The following ABCA1 variants were observed in gnomAD, a reference collection of about 807,000 sequenced individuals.
ABCA1 encodes the protein phospholipid-transporting ATPase ABCA1.
ABCA1 carries 133 observed loss-of-function variants against 262.5 expected under a neutral mutation model. The ratio of observed to expected loss-of-function variants is 0.51; its 90% CI spans 0.44 to 0.59. ABCA1 has a LOEUF of 0.59. ABCA1 is among the 20% of genes least tolerant of loss of function. The pLI is 0.00. For synonymous variants in ABCA1, 1,022 were observed against 1,043.5 expected, an observed-to-expected ratio of 0.98 and a Z score of 0.40; for missense variants, 2,452 against 2,777.5, an observed-to-expected ratio of 0.88 and a Z score of 2.63.
At chr9:104,857,258 G>A (rs140166525) in intron 7 of ABCA1, among the ~76,000 whole-genome samples, 10,058 of 152,052 alleles carry the variant, frequency 0.066, 1,202 homozygotes, top group African/African-American at 0.23. Context: ...AGTCGAGATC[G>A]CGCCACTGCA....
chr9:104,902,045 C>T (rs989531686), intron 2 of ABCA1, among the ~76,000 whole-genome samples: 1 of 152,064 alleles, frequency 6.6e-6, no homozygotes, highest in Non-Finnish European at 1.5e-5. Flanking sequence ...CACTAGAGAC[C>T]TCAGAATTCA....
At chr9:104,833,213 G>A (rs899469476) in intron 11 of ABCA1, among the ~76,000 whole-genome samples, 3 of 151,988 alleles carry the variant, frequency 2.0e-5, no homozygotes, top group African/African-American at 7.3e-5. Context: ...TCAGTGTCTC[G>A]CTCTGCCGCC....
intron 6 of ABCA1, among the ~76,000 whole-genome samples, chr9:104,860,805 G>A (rs1300812956): frequency 7.3e-6 from 1 of 136,658 alleles, no homozygotes; most frequent in Non-Finnish European, 1.5e-5. Flanking sequence ...CAGCCAGGCT[G>A]GAGTGCAATG....
At position 104,917,752 on chromosome 9, in the gene ABCA1, CA is replaced by C. The variant is rs111680466; in HGVS notation, c.-93+10182del. 1.5e-3 allele frequency among the ~76,000 whole-genome samples: 212 copies of C among 142,210 alleles called. 1 individual carries two copies. The highest frequency in any genetic ancestry group is 3.7e-3 in the African/African-American group (143 of 39,014). The allele number at this position is 142,210 out of a possible 152,430, so 93.3% of individuals were successfully genotyped here. On this transcript the variant is annotated intron_variant, in intron 1 of 49. Transcript: ENST00000374736. ...CTGGGCAACAGAGCAAGACTCGTCT[CA>C]AAAAAAAAAAGGAGTAAGCTTTTGT... is the stretch of plus-strand genomic sequence containing the variant.
At position 104,786,862 on chromosome 9, in the gene ABCA1, T is replaced by C. The variant is rs371940181; in HGVS notation, c.6308+11A>G. 46 of 1,609,114 alleles carry C rather than the reference T, an allele frequency of 2.9e-5. No homozygotes were observed. The highest frequency in any genetic ancestry group is 3.8e-5 in the Non-Finnish European group (45 of 1,175,574). On this transcript the variant is annotated intron_variant, in intron 47 of 49. Coordinates refer to ENST00000374736, the MANE Select transcript of ABCA1 (RefSeq NM_005502.4). The stretch of plus-strand genomic sequence containing the variant: ...ATCCCACAGTGAGGAACCCAAGACT[T>C]TACTACGGACCTATGAGATGTAAGC...
At chr9:104,788,879 A>G (rs1564078171) in intron 44 of ABCA1, among the ~76,000 whole-genome samples, 1 of 152,150 alleles carries the variant, frequency 6.6e-6, no homozygotes, top group Non-Finnish European at 1.5e-5. Flanking sequence ...AATCTCAGTC[A>G]CACTACCCCA....
chr9:104,786,483 G>C, intron 47 of ABCA1, 93 bp from the exon 48 acceptor site: 2 of 1,122,170 alleles, frequency 1.8e-6, no homozygotes, highest in South Asian at 1.2e-5. Flanking sequence ...GCTTCCTAGG[G>C]AATTGTATTC....
At chr9:104,852,830 G>A (rs571394149) in intron 7 of ABCA1, among the ~76,000 whole-genome samples, 1 of 152,234 alleles carries the variant, frequency 6.6e-6, no homozygotes, top group African/African-American at 2.4e-5. Context: ...TTCCAGACAG[G>A]AGAACACGAG....
At chr9:104,820,151 A>G in intron 20 of ABCA1, 82 bp from the exon 21 acceptor site, 2 of 1,545,944 alleles carry the variant, frequency 1.3e-6, no homozygotes, top group South Asian at 1.1e-5. Context: ...ACAGATGAGA[A>G]TGGGCATATT....
In ABCA1 at chr9:104,797,967, T is replaced by C. The variant is rs911512511; in HGVS notation, c.5121+454A>G. Reference sequence around the variant, plus strand: ...TATTGGTCCAAATAGAAGCAATATATTGTGGCTGGCACAAAAACATATTTG... The same window carrying C: ...TATTGGTCCAAATAGAAGCAATATACTGTGGCTGGCACAAAAACATATTTG... On this transcript the variant is annotated intron_variant, in intron 37 of 49. Coordinates refer to ENST00000374736, the MANE Select transcript of ABCA1 (RefSeq NM_005502.4). 3.8e-4 allele frequency among the ~76,000 whole-genome samples: 58 copies of C among 152,248 alleles called. 2 individuals are homozygous for C. The highest frequency in any genetic ancestry group is 8.1e-4 in the Non-Finnish European group (55 of 68,038).
chr9:104,858,444 G>T, intron 7 of ABCA1, 78 bp downstream of exon 7: 1 of 1,458,736 alleles, frequency 6.9e-7, no homozygotes, highest in Non-Finnish European at 9.6e-7. Flanking sequence ...ACAAAACAAA[G>T]TCATGCTGTC....
At chr9:104,843,905 A>G (rs187643499) in intron 8 of ABCA1, among the ~76,000 whole-genome samples, 16 of 152,202 alleles carry the variant, frequency 1.1e-4, no homozygotes, top group Non-Finnish European at 2.1e-4. Context: ...CTTGTCCTGG[A>G]CCAGGAGCAA....
rs374389503 is a variant in ABCA1, at chr9:104,802,135, G to A, written c.4617C>T (p.Val1539=). 27 of 1,614,016 alleles carry A rather than the reference G, an allele frequency of 1.7e-5. No homozygotes were observed. The highest frequency in any genetic ancestry group is 2.7e-5 in the African/African-American group (2 of 74,906). Residue 1539 remains valine, a synonymous_variant, in exon 34 of 50, where the codon GTC becomes GTT. Coordinates refer to ENST00000374736, the MANE Select transcript of ABCA1 (RefSeq NM_005502.4). ...EFRYGGFSLG[V]SNTQALPPSQ... ...TCGGAGGAAGTGCTTGAGTATTACT[G>A]ACACCCAGGGAAAAGCCGCCATACC...
At chr9:104,824,403 C>G in intron 18 of ABCA1, 62 bp downstream of exon 18, 1 of 1,610,094 alleles carries the variant, frequency 6.2e-7, no homozygotes, top group Non-Finnish European at 8.5e-7. Flanking sequence ...CGCTTGCCCC[C>G]AACAGTTAGC....
At position 104,903,652 on chromosome 9, in the gene ABCA1, G is replaced by A. The variant is rs1370016364; in HGVS notation, c.28C>T (p.Leu10=). 7 of 1,588,596 alleles carry A rather than the reference G, an allele frequency of 4.4e-6. No homozygotes were observed. In the African/African-American group the frequency reaches 9.4e-5, roughly 21 times the overall value. The part of the protein sequence containing the change: MACWPQLRL[L]LWKNLTFRRR... Reference sequence around the variant, plus strand: ...CTGAAAGTGAGGTTCTTCCACAGCAGCAACCTCAGCTGAGGCCAACAAGCC... The same window carrying A: ...CTGAAAGTGAGGTTCTTCCACAGCAACAACCTCAGCTGAGGCCAACAAGCC... The change falls in exon 2 of 50, where the codon CTG becomes TTG. Residue 10 remains leucine (L), a synonymous_variant. Coordinates refer to ENST00000374736, the MANE Select transcript of ABCA1 (RefSeq NM_005502.4).
rs1831876900 is a variant in ABCA1, at chr9:104,817,481, C to T, written c.3463-77G>A. 2.0e-6 allele frequency: 3 copies of T among 1,482,884 alleles called. No individual in the cohort carries two copies. The East Asian group carries it at 6.8e-5, about 34-fold the overall frequency. The allele number at this position is 1,482,884 out of a possible 1,614,324, so 91.9% of individuals were successfully genotyped here. On this transcript the variant is annotated intron_variant, in intron 23 of 49. Transcript: ENST00000374736. This position sits in a 1 kb window ranked among gnomAD's most constrained non-coding sequence, Gnocchi z 4.7. Reference sequence around the variant, plus strand: ...CCACCAGCACCTTCGCCGGGGAGGGCTTCCAAGAAGCTCTGTTGTGTGAGA... The same window carrying T: ...CCACCAGCACCTTCGCCGGGGAGGGTTTCCAAGAAGCTCTGTTGTGTGAGA...
chr9:104,837,668 C>A (rs1487785310), intron 9 of ABCA1, 101 bp from the exon 10 acceptor site: 84 of 1,383,694 alleles, frequency 6.1e-5, no homozygotes, highest in Non-Finnish European at 8.1e-5. Flanking sequence ...GAAACCCCAG[C>A]TCTACCACTA....
chr9:104,827,190 C>T, intron 15 of ABCA1, 21 bp from the exon 16 acceptor site: 2 of 1,595,230 alleles, frequency 1.3e-6, no homozygotes, highest in African/African-American at 2.7e-5. Flanking sequence ...AGAGACACAT[C>T]AAATGTGCTG....
rs1353120003 is a variant in ABCA1, at chr9:104,798,521, A to G, written c.5021T>C (p.Val1674Ala). ...GCTGACCCGCTCCTGGATCAGGAAT[A>G]CGACAAAGCTGGCTGGGACGAAGGA... ...AMSFVPASFV[V>A]FLIQERVSKA... Residue 1674 changes from valine (V) to alanine (A), a missense_variant, in exon 37 of 50, where the codon GTA (valine) becomes GCA (alanine). This residue lies in a region of ABCA1 where 752 missense variants were observed against 944.5 expected (regional missense o/e 0.80). Transcript: ENST00000374736. The G allele has an allele frequency of 6.2e-7, 1 of 1,614,196 alleles. No homozygotes were observed.
Sources: gnomAD v4.1 joint callset for allele counts (sites outside exome capture counted in the v4.1 genomes callset) on GRCh38, gnomAD v4.1.1 for gene constraint, gnomAD v4.1.1 regional missense constraint, Gnocchi (gnomAD v3.1) non-coding constraint, MANE v1.5 for transcripts, NCBI Gene and HGNC (gene_info 2026-07-23, HGNC 2026-07-21) for gene names.